The following TLL2 variants were observed in gnomAD, a reference collection of about 807,000 sequenced individuals.
The protein encoded by TLL2 is tolloid-like protein 2.
A neutral mutation model predicts 123.0 loss-of-function variants in TLL2; 106 were observed. That is an observed-to-expected ratio of 0.86 (90% CI 0.74 to 1.01). TLL2 has a LOEUF of 1.01. TLL2 is among the 50% of genes least tolerant of loss of function. The pLI is 0.00. For synonymous variants in TLL2, 494 were observed against 516.8 expected (o/e 0.96, Z 0.60); for missense variants, 1,332 against 1,336.7 (o/e 1.00, Z 0.06).
chr10:96,407,310 C>T (rs1014458432), intron 9 of TLL2, among the ~76,000 whole-genome samples: 12 of 152,088 alleles, frequency 7.9e-5, no homozygotes, highest in African/African-American at 2.9e-4. Flanking sequence ...CTGATGAACA[C>T]GATTGATCTT....
intron 1 of TLL2, among the ~76,000 whole-genome samples, chr10:96,490,288 G>A (rs1009068122): frequency 2.0e-5 from 3 of 152,132 alleles, no homozygotes; most frequent in Non-Finnish European, 2.9e-5. Context: ...GAATGTGTGC[G>A]TTTAATACAC....
intron 2 of TLL2, among the ~76,000 whole-genome samples, chr10:96,476,240 A>ATATATATATTTTTTTTTTTT: frequency 4.9e-5 from 1 of 20,492 alleles, no homozygotes; most frequent in Non-Finnish European, 1.0e-4. Context: ...ATATATATAT[A>ATATATATATTTTTTTTTTTT]TTTTATTTTT....
chr10:96,505,285 A>C (rs991302293), intron 1 of TLL2, among the ~76,000 whole-genome samples: 5 of 152,168 alleles, frequency 3.3e-5, no homozygotes, highest in Non-Finnish European at 7.4e-5. Context: ...GCATGAAGGA[A>C]ACCACCCCCA....
intron 5 of TLL2, among the ~76,000 whole-genome samples, chr10:96,426,830 T>C (rs1282760144): frequency 1.3e-5 from 2 of 152,246 alleles, no homozygotes; most frequent in African/African-American, 4.8e-5. Flanking sequence ...TAATTTACTC[T>C]TGAATTTGTT....
intron 7 of TLL2, 143 bp from the exon 8 acceptor site, chr10:96,413,459 A>C: frequency 9.4e-7 from 1 of 1,060,096 alleles, no homozygotes; most frequent in Non-Finnish European, 1.3e-6. Flanking sequence ...GGCATGACTG[A>C]AGAGGTTTCC....
At chr10:96,455,684 G>A (rs575335310) in intron 2 of TLL2, among the ~76,000 whole-genome samples, 2 of 152,284 alleles carry the variant, frequency 1.3e-5, no homozygotes, top group African/African-American at 4.8e-5. Flanking sequence ...GATCTAAAAC[G>A]GGGAGGCATG....
At chr10:96,403,295 G>A (rs1846413260) in intron 10 of TLL2, among the ~76,000 whole-genome samples, 1 of 152,172 alleles carries the variant, frequency 6.6e-6, no homozygotes, top group Admixed American at 6.5e-5. Context: ...AGATCAGACT[G>A]TTACTGTGTC....
chr10:96,382,171 A>G (rs1285353180), intron 16 of TLL2, among the ~76,000 whole-genome samples: 2 of 152,156 alleles, frequency 1.3e-5, no homozygotes, highest in Non-Finnish European at 2.9e-5. Flanking sequence ...AGCTGGGACT[A>G]CACATGCGCC....
chr10:96,376,996 T>A (rs1846144696), intron 17 of TLL2, among the ~76,000 whole-genome samples, 177 bp from the exon 18 acceptor site: 2 of 152,240 alleles, frequency 1.3e-5, no homozygotes, highest in Admixed American at 1.3e-4. Context: ...CTGGTTTACT[T>A]GCACTGGCTT....
At chr10:96,455,107 T>G (rs1254183384) in intron 2 of TLL2, among the ~76,000 whole-genome samples, 3 of 152,102 alleles carry the variant, frequency 2.0e-5, no homozygotes, top group Admixed American at 6.5e-5. Context: ...CCAGGCATGG[T>G]GGCGGGTGCC....
chr10:96,431,797 G>T (rs1444140386), intron 4 of TLL2, among the ~76,000 whole-genome samples: 1 of 152,196 alleles, frequency 6.6e-6, no homozygotes, highest in African/African-American at 2.4e-5. Flanking sequence ...GGCGCTGGTG[G>T]GGGGAGGGCA....
At chr10:96,424,363 C>T (rs912886228) in intron 5 of TLL2, among the ~76,000 whole-genome samples, 1 of 152,020 alleles carries the variant, frequency 6.6e-6, no homozygotes, top group Non-Finnish European at 1.5e-5. Flanking sequence ...GGAGGGATAC[C>T]CCATTCTCCA....
intron 2 of TLL2, among the ~76,000 whole-genome samples, chr10:96,476,865 C>CAG (rs1255628695): frequency 4.8e-5 from 6 of 124,416 alleles, no homozygotes; most frequent in Non-Finnish European, 1.0e-4. Flanking sequence ...GTTACACACA[C>CAG]ACACACACAC....
intron 2 of TLL2, among the ~76,000 whole-genome samples, chr10:96,450,177 G>C (rs1243255953): frequency 1.3e-5 from 2 of 151,888 alleles, no homozygotes; most frequent in Admixed American, 1.3e-4. Context: ...ATGGATGGAT[G>C]GATGGATGGA....
chr10:96,430,726 G>C (rs1306155020), intron 4 of TLL2, among the ~76,000 whole-genome samples: 1 of 152,014 alleles, frequency 6.6e-6, no homozygotes. Context: ...CACTTAAGAA[G>C]AAAAAATTAG....
intron 2 of TLL2, among the ~76,000 whole-genome samples, chr10:96,470,032 A>G (rs964693907): frequency 6.6e-5 from 10 of 152,096 alleles, no homozygotes; most frequent in African/African-American, 2.4e-4. Flanking sequence ...CTGAGAAAGA[A>G]AGACTGAAAG....
In TLL2 at chr10:96,501,678, C is replaced by T. The variant is rs188385962; in HGVS notation, c.175+11833G>A. Among the ~76,000 whole-genome samples the T allele has an allele frequency of 9.4e-4, 143 of 152,364 alleles. 1 individual carries two copies. The highest frequency in any genetic ancestry group is 3.3e-3 in the African/African-American group (139 of 41,580). ...ATTCCTCACCTTTGCTGACACTGTT[C>T]ATTCTACCTGAAATACCTTCTCTTG... On this transcript the variant is annotated intron_variant, in intron 1 of 20. Transcript: ENST00000357947.
intron 2 of TLL2, among the ~76,000 whole-genome samples, chr10:96,469,394 C>A (rs1847157776): frequency 6.6e-6 from 1 of 152,256 alleles, no homozygotes; most frequent in African/African-American, 2.4e-5. Flanking sequence ...CTTTTGAGCT[C>A]CCAGCATGGA....
chr10:96,504,267 C>A (rs913949558), intron 1 of TLL2, among the ~76,000 whole-genome samples: 15 of 152,162 alleles, frequency 9.9e-5, no homozygotes, highest in African/African-American at 3.1e-4. Flanking sequence ...CTAATGCCAT[C>A]CTCAGTGAGG....
Sources: gnomAD v4.1 joint callset for allele counts (sites outside exome capture counted in the v4.1 genomes callset) on GRCh38, gnomAD v4.1.1 for gene constraint, MANE v1.5 for transcripts, NCBI Gene and HGNC (gene_info 2026-07-23, HGNC 2026-07-21) for gene names.